The following EPN1 variants were observed in gnomAD, a reference collection of about 807,000 sequenced individuals.
EPN1 encodes epsin 1.
EPN1 carries 25 observed loss-of-function variants against 56.9 expected under a neutral mutation model. The ratio of observed to expected loss-of-function variants is 0.44; its 90% CI spans 0.32 to 0.61. EPN1 has a LOEUF of 0.61. Ranked by LOEUF, EPN1 falls within the 20% of genes least tolerant of loss-of-function variation. The pLI is 0.05. For missense variants in EPN1, 785 were observed against 823.7 expected (o/e 0.95, Z 0.58); for synonymous variants, 411 against 361.8 (o/e 1.14, Z -1.54).
chr19:55,694,651 A>G lies in EPN1; in HGVS notation c.1265-75A>G, dbSNP rs1986797584. ...CGGGCTCTTTGAAGCGCCCCCTATG[A>G]TGGCCTATACTGCTCCCGGGTTGGA... On this transcript the variant is annotated intron_variant, in intron 9 of 10. Coordinates refer to ENST00000270460, the MANE Select transcript of EPN1 (RefSeq NM_001130072.2). This position sits in a 1 kb window ranked among gnomAD's most constrained non-coding sequence, Gnocchi z 4.2. 4.1e-6 allele frequency: 6 copies of G among 1,469,922 alleles called. No individual in the cohort carries two copies. The African/African-American group carries it at 7.1e-5, about 17-fold the overall frequency. 91.1% of individuals were successfully genotyped at this position (1,469,922 alleles called of 1,614,324 possible).
intron 1 of EPN1, among the ~76,000 whole-genome samples, chr19:55,675,646 G>T (rs1216365720): frequency 6.6e-6 from 1 of 152,174 alleles, no homozygotes; most frequent in Non-Finnish European, 1.5e-5. Flanking sequence ...TCTGTTTCCT[G>T]TGGGCCTCTG....
At chr19:55,679,553 T>C (rs1161342816) in intron 2 of EPN1, among the ~76,000 whole-genome samples, 2 of 152,196 alleles carry the variant, frequency 1.3e-5, no homozygotes, top group African/African-American at 4.8e-5. Flanking sequence ...GAAGGCCCGC[T>C]CTGGGTGTCT....
intron 3 of EPN1, among the ~76,000 whole-genome samples, chr19:55,687,914 C>T (rs753378960): frequency 2.6e-5 from 4 of 152,160 alleles, no homozygotes; most frequent in Admixed American, 6.5e-5. Flanking sequence ...GCTGCGGCTC[C>T]GGGCAAGGGG....
chr19:55,684,639 C>A (rs1384223040), intron 2 of EPN1, among the ~76,000 whole-genome samples: 1 of 152,178 alleles, frequency 6.6e-6, no homozygotes, highest in Non-Finnish European at 1.5e-5. Flanking sequence ...CAGGCCCTTG[C>A]GTGGATCTCT....
intron 1 of EPN1, chr19:55,677,478 C>T (rs1232067726): frequency 1.2e-6 from 1 of 831,836 alleles, no homozygotes; most frequent in Non-Finnish European, 1.9e-6. Flanking sequence ...TTTTGGAGTT[C>T]AGGTGGGCCT....
chr19:55,675,979 GTC>G (rs1985387903), intron 1 of EPN1, among the ~76,000 whole-genome samples: 1 of 152,138 alleles, frequency 6.6e-6, no homozygotes, highest in Admixed American at 6.5e-5. Context: ...AGTTTTCTGA[GTC>G]TCTGGTGTGA....
chr19:55,677,692 A>G, intron 1 of EPN1: 2 of 1,549,940 alleles, frequency 1.3e-6, no homozygotes, highest in South Asian at 2.4e-5. Flanking sequence ...TATCCTTGGG[A>G]CGTCTGGTCT....
chr19:55,685,528 G>A lies in EPN1; in HGVS notation c.361G>A (p.Val121Met), dbSNP rs374536902. The A allele has an allele frequency of 2.5e-6, 4 of 1,612,458 alleles. No homozygotes were observed. The highest frequency in any genetic ancestry group is 2.2e-5 in the East Asian group (1 of 44,828). ...GGACCGCGACGGCAAGGACCAGGGCGTGAACGTGCGTGAGAAAGCTAAGCA... is the reference window on the plus strand; with the variant it reads ...GGACCGCGACGGCAAGGACCAGGGCATGAACGTGCGTGAGAAAGCTAAGCA... The part of the protein sequence containing the change: ...YVDRDGKDQG[V>M]NVREKAKQLV... The change falls in exon 3 of 11, where the codon GTG becomes ATG. Residue 121 changes from valine to methionine, a missense_variant. Around this residue, in one of 2 missense-constraint regions of EPN1, gnomAD observed 135 missense variants for 218.7 expected, o/e 0.62. Transcript: ENST00000270460.
Position 55,691,969 on chromosome 19 carries a change from T to C in EPN1, c.978T>C (p.Pro326=). Residue 326 remains proline, a synonymous_variant, in exon 7 of 11, where the codon CCT becomes CCC. Transcript: ENST00000270460. The surrounding 1 kb of genome is among the most constrained non-coding windows in gnomAD (Gnocchi z 5.6). ...ASGDPWRPAA[P]AGPSVDPWGG... The stretch of plus-strand genomic sequence containing the variant: ...GGGACCCCTGGAGGCCTGCTGCCCC[T>C]GCAGGACCCTCAGTTGACCCTTGGG... The C allele has an allele frequency of 6.6e-7, 1 of 1,510,370 alleles. No individual in the cohort carries two copies. Among genetic ancestry groups the C allele is most frequent in the South Asian group, 1.3e-5 (1 of 77,030 alleles). The allele number at this position is 1,510,370 out of a possible 1,614,324, so 93.6% of individuals were successfully genotyped here.
intron 9 of EPN1, among the ~76,000 whole-genome samples, chr19:55,693,551 G>A (rs1006220495): frequency 6.6e-5 from 10 of 152,206 alleles, no homozygotes; most frequent in East Asian, 1.9e-4. Context: ...CGCCGGTGAC[G>A]GGCCCATCTG....
At position 55,695,317 on chromosome 19, in the gene EPN1, G is replaced by A. The variant is rs748542472; in HGVS notation, c.1692G>A (p.Pro564=). 5.3e-5 allele frequency: 81 copies of A among 1,521,854 alleles called. No homozygotes were observed. The highest frequency in any genetic ancestry group is 1.1e-4 in the African/African-American group (8 of 71,570). The allele number at this position is 1,521,854 out of a possible 1,614,324, so 94.3% of individuals were successfully genotyped here. A position where few individuals can be genotyped will look rare whatever the true frequency, so the allele number is the denominator to read the frequency against. ...CTGGCCTGCCCCCCATGATGCCCCC[G>A]GGCCCCCCGGCCCCCAACACTAATC... is the stretch of plus-strand genomic sequence containing the variant. The part of the protein sequence containing the change: ...GGPGLPPMMP[P]GPPAPNTNPF... Residue 564 remains proline, a synonymous_variant, in exon 11 of 11, where the codon CCG becomes CCA. Coordinates refer to ENST00000270460, the MANE Select transcript of EPN1 (RefSeq NM_001130072.2). This position sits in a 1 kb window ranked among gnomAD's most constrained non-coding sequence, Gnocchi z 4.4.
In EPN1 at chr19:55,689,855, G is replaced by T. The variant is rs372757543; in HGVS notation, c.679-12G>T. Reference sequence around the variant, plus strand: ...TTCTCATGTCTCCCTGGTCGTGCCCGTGCCCCAACAGGAGGAGCGGATCCG... The same window carrying T: ...TTCTCATGTCTCCCTGGTCGTGCCCTTGCCCCAACAGGAGGAGCGGATCCG... On this transcript the variant is annotated splice_polypyrimidine_tract_variant and intron_variant, in intron 5 of 10. Transcript: ENST00000270460. This position sits in a 1 kb window ranked among gnomAD's most constrained non-coding sequence, Gnocchi z 5.7. The T allele has an allele frequency of 6.3e-7, 1 of 1,593,956 alleles. No individual in the cohort carries two copies. The highest frequency in any genetic ancestry group is 8.5e-7 in the Non-Finnish European group (1 of 1,170,810).
At chr19:55,683,219 C>G (rs372623930) in intron 2 of EPN1, among the ~76,000 whole-genome samples, 3 of 150,436 alleles carry the variant, frequency 2.0e-5, no homozygotes, top group African/African-American at 7.4e-5. Context: ...CAATGCCTGG[C>G]TAATTTTTTG....
rs1043338729 is a variant in EPN1, at chr19:55,698,682, A to C, written c.*3326A>C. ...ACTGAAACTCAATTTTACACACACA[A>C]ACCCACTCCCAGCCAGCCTCTGCCT... On this transcript the variant is annotated 3_prime_UTR_variant, in exon 11 of 11. Coordinates refer to ENST00000270460, the MANE Select transcript of EPN1 (RefSeq NM_001130072.2). The C allele has an allele frequency of 6.6e-6, 1 of 152,298 alleles. No individual in the cohort carries two copies. The highest frequency in any genetic ancestry group is 2.4e-5 in the African/African-American group (1 of 41,530). 9.4% of individuals were successfully genotyped at this position (152,298 alleles called of 1,614,324 possible).
intron 1 of EPN1, among the ~76,000 whole-genome samples, chr19:55,675,861 C>G (rs1985375028): frequency 6.6e-6 from 1 of 152,106 alleles, no homozygotes; most frequent in Non-Finnish European, 1.5e-5. Flanking sequence ...AAATCTTACC[C>G]CCGCCCCGTC....
rs943824838 is a variant in EPN1 at position 55,708,598 on chromosome 19, C to T, written c.*13242C>T. 5.5e-5 allele frequency: 11 copies of T among 198,456 alleles called. No homozygotes were observed. The East Asian group carries it at 7.0e-4, about 13-fold the overall frequency. The allele number at this position is 198,456 out of a possible 1,614,324, so 12.3% of individuals were successfully genotyped here. ...GTGCCTACAAATGCATGCTCCTACA[C>T]ACCAAGACATCCATTAAGAAAATAA... On this transcript the variant is annotated 3_prime_UTR_variant, in exon 11 of 11. Transcript: ENST00000270460.
intron 7 of EPN1, among the ~76,000 whole-genome samples, chr19:55,692,482 A>T (rs1986624006): frequency 7.2e-6 from 1 of 137,970 alleles, no homozygotes; most frequent in South Asian, 2.4e-4. Flanking sequence ...GAAGCCCCTC[A>T]CCCCAGCTGG....
intron 3 of EPN1, 36 bp from the exon 4 acceptor site, chr19:55,688,834 G>C (rs532320101): frequency 2.8e-5 from 43 of 1,563,162 alleles, no homozygotes; most frequent in Non-Finnish European, 3.6e-5. Context: ...CTCGTTCCCT[G>C]GTCTGGGTCT....
intron 2 of EPN1, among the ~76,000 whole-genome samples, chr19:55,680,459 G>A (rs1985735855): frequency 6.6e-6 from 1 of 152,188 alleles, no homozygotes; most frequent in Non-Finnish European, 1.5e-5. Flanking sequence ...ATGTGGCTGA[G>A]GACACGGGGT....
Sources: allele counts gnomAD v4.1 joint callset (sites outside exome capture counted in the v4.1 genomes callset), GRCh38; gene constraint gnomAD v4.1.1; regional missense constraint gnomAD v4.1.1; non-coding constraint Gnocchi (gnomAD v3.1); transcripts MANE v1.5; gene names NCBI Gene and HGNC (gene_info 2026-07-23, HGNC 2026-07-21).